MPHOSPH8: variants seen among roughly 807,000 people sequenced by gnomAD.
MPHOSPH8 encodes the protein M-phase phosphoprotein 8.
Under a neutral mutation model 87.3 loss-of-function variants are expected in MPHOSPH8, and 45 were observed. The ratio of observed to expected loss-of-function variants is 0.52; its 90% CI spans 0.41 to 0.66. The LOEUF (loss-of-function observed/expected upper bound fraction) is 0.66. Ranked by LOEUF, MPHOSPH8 falls within the 30% of genes least tolerant of loss-of-function variation. The pLI is 0.00. For synonymous variants in MPHOSPH8, 366 were observed against 376.9 expected (o/e 0.97, Z 0.33); for missense variants, 883 against 1,020.2 (o/e 0.87, Z 1.83).
chr13:19,636,099 A>T (rs1356168084), intron 1 of MPHOSPH8, among the ~76,000 whole-genome samples: 1 of 152,172 alleles, frequency 6.6e-6, no homozygotes, highest in Non-Finnish European at 1.5e-5. Context: ...TTTATAAATT[A>T]CCCAGTCTCA....
rs1016188608 is a variant in MPHOSPH8 at position 19,636,125 on chromosome 13, C to T, written c.213+2164C>T. Among the ~76,000 whole-genome samples, 3 of 152,212 alleles carry T rather than the reference C, an allele frequency of 2.0e-5. No homozygotes were observed. The East Asian group carries it at 5.8e-4, about 29-fold the overall frequency. On this transcript the variant is annotated intron_variant, in intron 1 of 13. Coordinates refer to ENST00000361479, the MANE Select transcript of MPHOSPH8 (RefSeq NM_017520.4). ...CCCAGTCTCAGGTATTTCTTCATAG[C>T]AGTTTGAGAACGGACTAATACAAAA... is the stretch of plus-strand genomic sequence containing the variant.
In MPHOSPH8 at chr13:19,660,331, G is replaced by C. The variant is rs978548961; in HGVS notation, c.1791+1042G>C. ...CTCCCTAGATTTTAGGTTTGTGTTTGAGTCTTGTATTGCTTGAAGATTTTT... is the reference window on the plus strand; with the variant it reads ...CTCCCTAGATTTTAGGTTTGTGTTTCAGTCTTGTATTGCTTGAAGATTTTT... On this transcript the variant is annotated intron_variant, in intron 7 of 13. Coordinates refer to ENST00000361479, the MANE Select transcript of MPHOSPH8 (RefSeq NM_017520.4). Among the ~76,000 whole-genome samples, 3 of 152,016 alleles carry C rather than the reference G, an allele frequency of 2.0e-5. No homozygotes were observed. The East Asian group carries it at 5.8e-4, about 29-fold the overall frequency.
At position 19,653,448 on chromosome 13, in the gene MPHOSPH8, C is replaced by G. The variant is rs186575500; in HGVS notation, c.1576+3188C>G. ...CAAAGACCAAAGGTAGATAACTCCA[C>G]AAAGATGGGGAGAAACCAGTGCAAA... On this transcript the variant is annotated intron_variant, in intron 5 of 13. Coordinates refer to ENST00000361479, the MANE Select transcript of MPHOSPH8 (RefSeq NM_017520.4). Among the ~76,000 whole-genome samples the G allele has an allele frequency of 5.6e-4, 86 of 152,310 alleles. 1 individual carries two copies. Among genetic ancestry groups the G allele is most frequent in the Middle Eastern group, 6.8e-3 (2 of 294 alleles).
chr13:19,668,131 C>T (rs144912537), intron 10 of MPHOSPH8, among the ~76,000 whole-genome samples: 67 of 152,290 alleles, frequency 4.4e-4, no homozygotes, highest in African/African-American at 1.6e-3. Flanking sequence ...GTTCTAAAGG[C>T]TGGGGAGATG....
Position 19,661,725 on chromosome 13 carries a change from C to G in MPHOSPH8, c.1819C>G (p.Leu607Val). 1 of 1,609,888 alleles carries G rather than the reference C, an allele frequency of 6.2e-7. No homozygotes were observed. The highest frequency in any genetic ancestry group is 8.5e-7 in the Non-Finnish European group (1 of 1,177,188). The change falls in exon 8 of 14, where the codon CTT (leucine) becomes GTT (valine). Residue 607 changes from leucine to valine, a missense_variant. By Grantham distance (32) the Leu-to-Val change is conservative (BLOSUM62 1). This residue lies in a region of MPHOSPH8 where 741 missense variants were observed against 841.5 expected (regional missense o/e 0.88). Coordinates refer to ENST00000361479, the MANE Select transcript of MPHOSPH8 (RefSeq NM_017520.4). ...EDSSGMTLVM[L>V]AAAGGQDDLL... ...TTCCAGTGGAATGACACTGGTGATGCTTGCCGCCGCCGGAGGGCAGGACGA... is the reference window on the plus strand; with the variant it reads ...TTCCAGTGGAATGACACTGGTGATGGTTGCCGCCGCCGGAGGGCAGGACGA...
chr13:19,661,876 T>C lies in MPHOSPH8; in HGVS notation c.1932+38T>C, dbSNP rs759312823. ...TTATGCATCAGTTTCAGAGCTTTCATGGTATTCCTGCCGATGGACTGAGAG... is the reference window on the plus strand; with the variant it reads ...TTATGCATCAGTTTCAGAGCTTTCACGGTATTCCTGCCGATGGACTGAGAG... On this transcript the variant is annotated intron_variant, in intron 8 of 13. Coordinates refer to ENST00000361479, the MANE Select transcript of MPHOSPH8 (RefSeq NM_017520.4). 7 of 1,567,070 alleles carry C rather than the reference T, an allele frequency of 4.5e-6. No individual in the cohort carries two copies. In the African/African-American group the frequency reaches 9.6e-5, roughly 21 times the overall value.
chr13:19,664,906 G>A (rs1051457463), intron 9 of MPHOSPH8, among the ~76,000 whole-genome samples: 3 of 152,144 alleles, frequency 2.0e-5, no homozygotes, highest in Non-Finnish European at 4.4e-5. Context: ...CATCCATGGG[G>A]AATTGGAAAG....
chr13:19,658,851 CAATT>C (rs1875350531), intron 5 of MPHOSPH8, 140 bp from the exon 6 acceptor site: 1 of 969,538 alleles, frequency 1.0e-6, no homozygotes, highest in Non-Finnish European at 1.5e-6. Flanking sequence ...GGGATTTTAT[CAATT>C]AAAAGACCCC....
intron 5 of MPHOSPH8, among the ~76,000 whole-genome samples, chr13:19,657,151 T>C (rs1303906609): frequency 3.5e-5 from 5 of 141,094 alleles, no homozygotes; most frequent in African/African-American, 5.3e-5. Flanking sequence ...AAGGCCTGTA[T>C]GGAGAAAATT....
chr13:19,644,407 C>A (rs1313667073), intron 2 of MPHOSPH8, among the ~76,000 whole-genome samples: 1 of 152,204 alleles, frequency 6.6e-6, no homozygotes, highest in Admixed American at 6.5e-5. Flanking sequence ...TTCCTAGATA[C>A]ACTGTACCTT....
intron 2 of MPHOSPH8, among the ~76,000 whole-genome samples, chr13:19,642,705 T>G (rs1339089331): frequency 6.6e-6 from 1 of 152,020 alleles, no homozygotes; most frequent in Non-Finnish European, 1.5e-5. Context: ...AAAAACAACT[T>G]AGAACTATAT....
At chr13:19,644,638 C>T (rs1328525188) in intron 2 of MPHOSPH8, among the ~76,000 whole-genome samples, 1 of 152,228 alleles carries the variant, frequency 6.6e-6, no homozygotes, top group Admixed American at 6.5e-5. Context: ...CAAGAGTTTG[C>T]AACCCACCTC....
At chr13:19,657,211 T>C (rs941172152) in intron 5 of MPHOSPH8, among the ~76,000 whole-genome samples, 1 of 151,224 alleles carries the variant, frequency 6.6e-6, no homozygotes. Context: ...TATATGCCAT[T>C]TTTATTAGAA....
At chr13:19,656,089 A>G (rs1055232687) in intron 5 of MPHOSPH8, among the ~76,000 whole-genome samples, 2 of 152,056 alleles carry the variant, frequency 1.3e-5, no homozygotes, top group Non-Finnish European at 2.9e-5. Context: ...CAACAAGAGC[A>G]AAACTCCGTC....
chr13:19,647,180 C>T lies in MPHOSPH8; in HGVS notation c.1107C>T (p.Ser369=), dbSNP rs201846755. Residue 369 remains serine, a synonymous_variant, in exon 3 of 14, where the codon AGC becomes AGT. Transcript: ENST00000361479. ...VPKKQRNQDR[S]KSAAELEKLM... is the part of the protein sequence containing the mutation. ...AAAAGCAGAGGAATCAAGACAGAAG[C>T]AAAAGTGCTGCAGAGTTAGAGAAGC... The T allele has an allele frequency of 6.2e-7, 1 of 1,614,066 alleles. No individual in the cohort carries two copies. Among genetic ancestry groups the T allele is most frequent in the East Asian group, 2.2e-5 (1 of 44,866 alleles).
chr13:19,670,886 T>C, intron 12 of MPHOSPH8: 1 of 1,039,146 alleles, frequency 9.6e-7, no homozygotes, highest in Non-Finnish European at 1.3e-6. Context: ...TGGCGCGGAT[T>C]ACAGCTCACT....
rs1338381486 is a variant in MPHOSPH8 at position 19,648,520 on chromosome 13, G to A, written c.1317G>A (p.Lys439=). Residue 439 remains lysine (K), a splice_region_variant and synonymous_variant, in exon 4 of 14, where the codon AAG becomes AAA. Transcript: ENST00000361479. ...EKGRKEPKGL[K]TLKEIRNAFD... ...GCAGAAAAGAGCCAAAAGGATTAAA[G>A]AGTGAGTGTAAATATTAACGTTTTG... is the stretch of plus-strand genomic sequence containing the variant. 6.5e-7 allele frequency: 1 copy of A among 1,542,618 alleles called. No individual in the cohort carries two copies. The highest frequency in any genetic ancestry group is 2.4e-5 in the East Asian group (1 of 41,048).
chr13:19,642,111 A>T lies in MPHOSPH8; in HGVS notation c.214-4A>T, dbSNP rs1280476509. The T allele has an allele frequency of 6.7e-6, 10 of 1,499,330 alleles. No individual in the cohort carries two copies. Among genetic ancestry groups the T allele is most frequent in the Non-Finnish European group, 8.9e-6 (10 of 1,129,936 alleles). The allele number at this position is 1,499,330 out of a possible 1,614,324, so 92.9% of individuals were successfully genotyped here. A position where few individuals can be genotyped will look rare whatever the true frequency, so the allele number is the denominator to read the frequency against. On this transcript the variant is annotated splice_region_variant and splice_polypyrimidine_tract_variant and intron_variant, in intron 1 of 13. Coordinates refer to ENST00000361479, the MANE Select transcript of MPHOSPH8 (RefSeq NM_017520.4). ...TATTTGCCTCCTTTTATTTTCTATA[A>T]CAGGGTAAAGTTCTTTACAAAGTTC... is the stretch of plus-strand genomic sequence containing the variant.
At chr13:19,644,321 C>T (rs1874460286) in intron 2 of MPHOSPH8, among the ~76,000 whole-genome samples, 1 of 152,152 alleles carries the variant, frequency 6.6e-6, no homozygotes, top group Non-Finnish European at 1.5e-5. Flanking sequence ...AAATACTGTC[C>T]TTTACTCCCA....
Sources: gnomAD v4.1 joint callset for allele counts (sites outside exome capture counted in the v4.1 genomes callset) on GRCh38, gnomAD v4.1.1 for gene constraint, gnomAD v4.1.1 regional missense constraint, MANE v1.5 for transcripts, NCBI Gene and HGNC (gene_info 2026-07-23, HGNC 2026-07-21) for gene names.